The following MYLK variants were observed in gnomAD, a reference collection of about 807,000 sequenced individuals.
MYLK encodes the protein myosin light chain kinase, smooth muscle.
Under a neutral mutation model 203.4 loss-of-function variants are expected in MYLK, and 106 were observed. The observed-to-expected ratio is 0.52, with a 90% CI of 0.45 to 0.61. The LOEUF (loss-of-function observed/expected upper bound fraction) is 0.61. Ranked by LOEUF, MYLK falls within the 20% of genes least tolerant of loss-of-function variation. The probability of loss-of-function intolerance (pLI) is 0.00; values close to 1 mark genes in which losing one functional copy is unlikely to be tolerated. For missense variants in MYLK, 2,072 were observed against 2,442.3 expected (o/e 0.85, Z 3.20); for synonymous variants, 867 against 959.5 (o/e 0.90, Z 1.78).
intron 5 of MYLK, among the ~76,000 whole-genome samples, chr3:123,743,990 C>T (rs2062938808): frequency 6.6e-6 from 1 of 152,180 alleles, no homozygotes; most frequent in African/African-American, 2.4e-5. Context: ...AGTCACCCTA[C>T]TTGTAGCCAA....
rs544666490 is a variant in MYLK at position 123,708,560 on chromosome 3, G to A, written c.2140+138C>T. ...TGTTGGACAGGGAGCTGGCCTCTGG[G>A]GCTGGGGTGGGACTGAGGGACGAGA... On this transcript the variant is annotated intron_variant, in intron 15 of 33. Transcript: ENST00000360304. The A allele has an allele frequency of 1.7e-4, 157 of 901,836 alleles. 1 individual carries two copies. The African/African-American group carries it at 2.3e-3, about 13-fold the overall frequency. 55.9% of individuals were successfully genotyped at this position (901,836 alleles called of 1,614,324 possible).
At chr3:123,635,261 C>T (rs1468250504) in intron 29 of MYLK, among the ~76,000 whole-genome samples, 1 of 152,234 alleles carries the variant, frequency 6.6e-6, no homozygotes. Context: ...CAGAGAGCCT[C>T]TTTTGGGTGC....
At chr3:123,675,222 A>G (rs1006833896) in intron 20 of MYLK, among the ~76,000 whole-genome samples, 1 of 152,234 alleles carries the variant, frequency 6.6e-6, no homozygotes, top group African/African-American at 2.4e-5. Context: ...TAGGAGATTG[A>G]TATTAGAGGA....
chr3:123,870,545 C>A (rs934442461), intron 2 of MYLK, among the ~76,000 whole-genome samples: 2 of 152,232 alleles, frequency 1.3e-5, no homozygotes, highest in Admixed American at 6.5e-5. Flanking sequence ...CCAGCACAGA[C>A]CAGATGCTCT....
chr3:123,774,382 G>A (rs934398512), intron 4 of MYLK, among the ~76,000 whole-genome samples: 1 of 152,072 alleles, frequency 6.6e-6, no homozygotes, highest in Non-Finnish European at 1.5e-5. Context: ...AAGCATGGAC[G>A]GGGTTGGGCG....
At position 123,648,636 on chromosome 3, in the gene MYLK, C is replaced by G. The variant is rs1355985572; in HGVS notation, c.4415+335G>C. Among the ~76,000 whole-genome samples the G allele has an allele frequency of 6.6e-6, 1 of 152,136 alleles. No individual in the cohort carries two copies. The highest frequency in any genetic ancestry group is 1.5e-5 in the Non-Finnish European group (1 of 68,028). On this transcript the variant is annotated intron_variant, in intron 26 of 33. Transcript: ENST00000360304. The surrounding 1 kb of genome is among the most constrained non-coding windows in gnomAD (Gnocchi z 4.5). ...TCTCCCTAATGTTCTGCTCCCCGCA[C>G]CCCCTGCTCTCCCCTGACAGGCCCC...
chr3:123,831,880 C>T (rs1038291221), intron 2 of MYLK, among the ~76,000 whole-genome samples: 12 of 152,100 alleles, frequency 7.9e-5, no homozygotes, highest in African/African-American at 2.7e-4. Flanking sequence ...AGAACCAGAA[C>T]GAGGTACTTT....
At chr3:123,792,982 G>C (rs1251015756) in intron 4 of MYLK, among the ~76,000 whole-genome samples, 1 of 152,112 alleles carries the variant, frequency 6.6e-6, no homozygotes, top group Non-Finnish European at 1.5e-5. Context: ...CTTACACAAA[G>C]GTAAGGTCCG....
intron 13 of MYLK, among the ~76,000 whole-genome samples, chr3:123,713,528 T>C (rs820342): frequency 0.94 from 136,579 of 145,698 alleles, 63,822 homozygotes; most frequent in Non-Finnish European, 0.97. Context: ...CCTTGACAAC[T>C]GAGAAAAACT....
In MYLK at chr3:123,640,202, GTA is replaced by G. The variant is rs2108108756; in HGVS notation, c.4837+83_4837+84del. 1.5e-6 allele frequency: 2 copies of G among 1,291,980 alleles called. No individual in the cohort carries two copies. Among genetic ancestry groups the G allele is most frequent in the South Asian group, 2.4e-5 (2 of 84,040 alleles). The allele number at this position is 1,291,980 out of a possible 1,614,324, so 80.0% of individuals were successfully genotyped here. On this transcript the variant is annotated intron_variant, in intron 28 of 33. Coordinates refer to ENST00000360304, the MANE Select transcript of MYLK (RefSeq NM_053025.4). This position sits in a 1 kb window ranked among gnomAD's most constrained non-coding sequence, Gnocchi z 4.3. ...TGGTCTCGGATTTAACCCCAATACT[GTA>G]TGTTTCCTCTCACACTCAGTGTGAG...
At chr3:123,646,716 T>C (rs2059033960) in intron 27 of MYLK, among the ~76,000 whole-genome samples, 1 of 152,004 alleles carries the variant, frequency 6.6e-6, no homozygotes, top group Admixed American at 6.6e-5. Context: ...GTCCAAAGAG[T>C]ACAAACAAGA....
rs149901696 is a variant in MYLK, at chr3:123,773,354, C to T, written c.165+20323G>A. Among the ~76,000 whole-genome samples, 328 of 152,280 alleles carry T rather than the reference C, an allele frequency of 2.2e-3. 1 individual carries two copies. The highest frequency in any genetic ancestry group is 7.5e-3 in the African/African-American group (312 of 41,564). ...CTGGATGGTGGGATTGTTTTCTATA[C>T]TTTCTGTATGTCAAAACTTTTAAAG... On this transcript the variant is annotated intron_variant, in intron 4 of 33. Coordinates refer to ENST00000360304, the MANE Select transcript of MYLK (RefSeq NM_053025.4).
chr3:123,737,102 C>T lies in MYLK; in HGVS notation c.754+276G>A. On this transcript the variant is annotated intron_variant, in intron 8 of 33. Coordinates refer to ENST00000360304, the MANE Select transcript of MYLK (RefSeq NM_053025.4). ...GGCGTGGTGGTGTGTGCCTGTAGTC[C>T]CAGCCACTCAGGAGGCTGAGGCAGG... is the stretch of plus-strand genomic sequence containing the variant. The T allele has an allele frequency of 6.6e-6, 3 of 453,916 alleles. No individual in the cohort carries two copies. In the South Asian group the frequency reaches 6.6e-5, roughly 10 times the overall value. The allele number at this position is 453,916 out of a possible 1,614,324, so 28.1% of individuals were successfully genotyped here.
At position 123,640,351 on chromosome 3, in the gene MYLK, G is replaced by C. The variant is rs761643027; in HGVS notation, c.4773C>G (p.Ile1591Met). 7 of 1,613,966 alleles carry C rather than the reference G, an allele frequency of 4.3e-6. No homozygotes were observed. In the East Asian group the frequency reaches 1.6e-4, roughly 36 times the overall value. ...IVHLDLKPEN[I>M]MCVNKTGTRI... ...TGGTGCCCGTCTTGTTGACACACAT[G>C]ATGTTCTCCGGCTTGAGGTCCAGGT... The change falls in exon 28 of 34, where the codon ATC becomes ATG. Residue 1591 changes from isoleucine to methionine, a missense_variant. By Grantham distance (10) the Ile-to-Met change is conservative. Coordinates refer to ENST00000360304, the MANE Select transcript of MYLK (RefSeq NM_053025.4). This position sits in a 1 kb window ranked among gnomAD's most constrained non-coding sequence, Gnocchi z 4.3.
intron 29 of MYLK, among the ~76,000 whole-genome samples, chr3:123,634,057 T>C (rs2058544828): frequency 1.3e-5 from 2 of 152,162 alleles, no homozygotes; most frequent in African/African-American, 4.8e-5. Context: ...ACACATCTGC[T>C]GATGGAACTA....
At chr3:123,818,487 C>T (rs927787334) in intron 3 of MYLK, among the ~76,000 whole-genome samples, 1 of 152,036 alleles carries the variant, frequency 6.6e-6, no homozygotes, top group Non-Finnish European at 1.5e-5. Flanking sequence ...CCCAGGAGGT[C>T]GAGACAAGCC....
intron 13 of MYLK, among the ~76,000 whole-genome samples, chr3:123,713,769 C>T (rs1411752196): frequency 6.6e-6 from 1 of 152,130 alleles, no homozygotes; most frequent in African/African-American, 2.4e-5. Context: ...TAACTCGTGG[C>T]CCTGGCTGTG....
At chr3:123,680,199 C>T (rs774607911) in intron 20 of MYLK, among the ~76,000 whole-genome samples, 12 of 152,164 alleles carry the variant, frequency 7.9e-5, no homozygotes, top group Non-Finnish European at 1.5e-4. Context: ...GGGCAGAGAG[C>T]CCAGCTCCTG....
chr3:123,647,752 A>C (rs931614037), intron 26 of MYLK, among the ~76,000 whole-genome samples: 3 of 150,834 alleles, frequency 2.0e-5, no homozygotes, highest in Non-Finnish European at 4.4e-5. Flanking sequence ...GGGTCTCGCT[A>C]TGTTGCCCAG....
Sources: allele counts gnomAD v4.1 joint callset (sites outside exome capture counted in the v4.1 genomes callset), GRCh38; gene constraint gnomAD v4.1.1; non-coding constraint Gnocchi (gnomAD v3.1); transcripts MANE v1.5; gene names NCBI Gene and HGNC (gene_info 2026-07-23, HGNC 2026-07-21).